Variants in KCNIP4 observed in about 807,000 individuals in gnomAD.
KCNIP4 encodes the protein Kv channel-interacting protein 4.
A neutral mutation model predicts 34.0 loss-of-function variants in KCNIP4; 12 were observed. The ratio of observed to expected loss-of-function variants is 0.35; its 90% CI spans 0.23 to 0.57. The LOEUF is 0.57. Among genes scored for constraint, KCNIP4 ranks in the 20% least tolerant of loss-of-function variants. The probability of loss-of-function intolerance (pLI) is 0.83; values close to 1 mark genes in which losing one functional copy is unlikely to be tolerated. For missense variants in KCNIP4, 238 were observed against 311.7 expected (o/e 0.76, Z 1.78); for synonymous variants, 124 against 102.2 (o/e 1.21, Z -1.29).
At chr4:21,524,752 G>T (rs1735831674) in intron 1 of KCNIP4, among the ~76,000 whole-genome samples, 1 of 151,736 alleles carries the variant, frequency 6.6e-6, no homozygotes, top group East Asian at 1.9e-4. Context: ...AGATTGTAAG[G>T]GCCATGAAAG....
At chr4:20,990,070 C>T (rs867859544) in intron 1 of KCNIP4, among the ~76,000 whole-genome samples, 19 of 152,330 alleles carry the variant, frequency 1.2e-4, no homozygotes, top group African/African-American at 3.4e-4. Context: ...AAAGATGCCA[C>T]TTAACATCAG....
intron 1 of KCNIP4, among the ~76,000 whole-genome samples, chr4:21,251,963 T>C (rs150608110): frequency 0.021 from 3,247 of 151,558 alleles, 87 homozygotes; most frequent in East Asian, 0.16. Flanking sequence ...TATACACATG[T>C]AACTAACCTG....
intron 1 of KCNIP4, among the ~76,000 whole-genome samples, chr4:21,159,104 C>G (rs1007119560): frequency 5.9e-5 from 9 of 152,026 alleles, no homozygotes; most frequent in African/African-American, 2.2e-4. Flanking sequence ...AATCAACAAG[C>G]TGATTTGAAA....
intron 1 of KCNIP4, among the ~76,000 whole-genome samples, chr4:21,332,360 T>C (rs1023972541): frequency 1.8e-4 from 28 of 152,072 alleles, no homozygotes; most frequent in African/African-American, 6.8e-4. Flanking sequence ...ACTATTTTTA[T>C]GGTGATGACT....
At position 21,463,396 on chromosome 4, in the gene KCNIP4, C is replaced by G. The variant is rs1729646208; in HGVS notation, c.61+485175G>C. ...TTTTTGTGATTGAGTTGTTTGAGTTCTCTTTTCTCTCCAACTTCATACCTC... is the reference window on the plus strand; with the variant it reads ...TTTTTGTGATTGAGTTGTTTGAGTTGTCTTTTCTCTCCAACTTCATACCTC... On this transcript the variant is annotated intron_variant, in intron 1 of 8. Transcript: ENST00000382152. Among the ~76,000 whole-genome samples the G allele has an allele frequency of 1.3e-5, 2 of 151,770 alleles. 1 individual carries two copies. Among genetic ancestry groups the G allele is most frequent in the Non-Finnish European group, 2.9e-5 (2 of 67,908 alleles).
At chr4:21,693,933 C>T (rs1480044433) in intron 1 of KCNIP4, among the ~76,000 whole-genome samples, 2 of 152,056 alleles carry the variant, frequency 1.3e-5, no homozygotes, top group African/African-American at 4.8e-5. Context: ...AACAGAGCTC[C>T]AGGCAATATT....
intron 1 of KCNIP4, among the ~76,000 whole-genome samples, chr4:20,929,782 G>A (rs904091115): frequency 2.0e-5 from 3 of 151,668 alleles, no homozygotes; most frequent in Admixed American, 6.6e-5. Context: ...ATTTATGAAA[G>A]CATAAAAATA....
chr4:21,234,193 T>C (rs1480919467), intron 1 of KCNIP4, among the ~76,000 whole-genome samples: 1 of 106,352 alleles, frequency 9.4e-6, no homozygotes, highest in East Asian at 2.7e-4. Flanking sequence ...ACGTATATTA[T>C]ATATAACATA....
chr4:21,906,453 C>G (rs1290423199), intron 1 of KCNIP4, among the ~76,000 whole-genome samples: 2 of 152,116 alleles, frequency 1.3e-5, no homozygotes, highest in African/African-American at 4.8e-5. Flanking sequence ...TGGCAGCCAC[C>G]AGACTCTGGA....
At chr4:20,731,775 C>T (rs1266730855) in intron 8 of KCNIP4, 1 of 985,276 alleles carries the variant, frequency 1.0e-6, no homozygotes, top group Non-Finnish European at 1.2e-6. Flanking sequence ...ACATGTACAA[C>T]TTTTGTATCC....
At chr4:21,759,047 G>C (rs1197999610) in intron 1 of KCNIP4, among the ~76,000 whole-genome samples, 1 of 152,116 alleles carries the variant, frequency 6.6e-6, no homozygotes, top group Non-Finnish European at 1.5e-5. Context: ...CTCCTTGTTA[G>C]TATTACTCAT....
intron 1 of KCNIP4, among the ~76,000 whole-genome samples, chr4:21,692,827 A>ATTTTTTTTTTTTTTTTTTTTTTTTTT (rs35231092): frequency 2.3e-5 from 2 of 87,250 alleles, no homozygotes; most frequent in African/African-American, 4.5e-5. Context: ...AAATCCTGTC[A>ATTTTTTTTTTTTTTTTTTTTTTTTTT]TTTTTTTTTT....
intron 1 of KCNIP4, among the ~76,000 whole-genome samples, chr4:21,514,844 C>T (rs1157811479): frequency 6.6e-6 from 1 of 152,158 alleles, no homozygotes; most frequent in African/African-American, 2.4e-5. Context: ...GCATCACTAT[C>T]TAAGCCTGAT....
chr4:21,795,977 A>C (rs1720599765), intron 1 of KCNIP4, among the ~76,000 whole-genome samples: 2 of 152,030 alleles, frequency 1.3e-5, no homozygotes, highest in South Asian at 4.2e-4. Flanking sequence ...GCAGAAGCAA[A>C]AGAATCACTT....
chr4:20,953,335 A>G (rs1486668137), intron 1 of KCNIP4, among the ~76,000 whole-genome samples: 3 of 152,144 alleles, frequency 2.0e-5, no homozygotes, highest in Non-Finnish European at 4.4e-5. Flanking sequence ...ACTAAAAGCA[A>G]CTTGAGACTT....
chr4:21,670,371 T>G (rs1749375750), intron 1 of KCNIP4, among the ~76,000 whole-genome samples: 1 of 130,214 alleles, frequency 7.7e-6, no homozygotes, highest in South Asian at 2.4e-4. Flanking sequence ...AATTGAACAA[T>G]GAGATCACAT....
chr4:21,386,240 T>G (rs1158250921), intron 1 of KCNIP4, among the ~76,000 whole-genome samples: 1 of 152,192 alleles, frequency 6.6e-6, no homozygotes, highest in Non-Finnish European at 1.5e-5. Context: ...ATTGAACAAC[T>G]GCTGAGACAA....
chr4:21,765,484 G>T (rs938044393), intron 1 of KCNIP4, among the ~76,000 whole-genome samples: 1 of 151,948 alleles, frequency 6.6e-6, no homozygotes, highest in Admixed American at 6.6e-5. Flanking sequence ...TGCTCCCTGG[G>T]GGAAAAGTGG....
intron 1 of KCNIP4, among the ~76,000 whole-genome samples, chr4:21,322,011 AGGAG>A (rs1190893433): frequency 7.2e-6 from 1 of 138,030 alleles, no homozygotes; most frequent in Admixed American, 7.2e-5. Context: ...AAAGGAAGGA[AGGAG>A]GGAGGGAGGG....
Sources: gnomAD v4.1 joint callset for allele counts (sites outside exome capture counted in the v4.1 genomes callset) on GRCh38, gnomAD v4.1.1 for gene constraint, MANE v1.5 for transcripts, NCBI Gene and HGNC (gene_info 2026-07-23, HGNC 2026-07-21) for gene names.